GRIK2: variants seen among roughly 807,000 people sequenced by gnomAD.
GRIK2 encodes the protein glutamate receptor ionotropic, kainate 2.
In GRIK2, 32 loss-of-function variants were observed where a neutral mutation model predicts 100.3. The ratio of observed to expected loss-of-function variants is 0.32; its 90% CI spans 0.24 to 0.43. The LOEUF is 0.43. GRIK2 is among the 20% of genes least tolerant of loss of function. The probability of loss-of-function intolerance (pLI) is 1.00; values close to 1 mark genes in which losing one functional copy is unlikely to be tolerated. For synonymous variants in GRIK2, 417 were observed against 389.4 expected (o/e 1.07, Z -0.83); for missense variants, 843 against 1,114.9 (o/e 0.76, Z 3.47).
chr6:101,550,633 G>C (rs1396516890), intron 2 of GRIK2, among the ~76,000 whole-genome samples: 1 of 152,138 alleles, frequency 6.6e-6, no homozygotes, highest in South Asian at 2.1e-4. Flanking sequence ...TATGCCAGCT[G>C]TCTTAACGTG....
intron 14 of GRIK2, among the ~76,000 whole-genome samples, chr6:102,000,931 G>T (rs1047714343): frequency 6.6e-6 from 1 of 151,216 alleles, no homozygotes; most frequent in Non-Finnish European, 1.5e-5. Flanking sequence ...CTTACTGTTG[G>T]TTTCATTTGT....
At chr6:102,051,255 T>TCCTC (rs1771170529) in intron 15 of GRIK2, among the ~76,000 whole-genome samples, 1 of 48,818 alleles carries the variant, frequency 2.0e-5, no homozygotes, top group Non-Finnish European at 4.2e-5. Flanking sequence ...CTCCCTCCCT[T>TCCTC]CCTTCCTTCC....
intron 14 of GRIK2, among the ~76,000 whole-genome samples, chr6:102,024,797 A>G (rs980956920): frequency 2.6e-5 from 4 of 151,110 alleles, no homozygotes; most frequent in Non-Finnish European, 5.9e-5. Context: ...ATATATACAT[A>G]TATTTTTCTT....
Position 101,440,435 on chromosome 6 carries a change from A to G in GRIK2, c.115+41043A>G, listed in dbSNP as rs910481859. Reference sequence around the variant, plus strand: ...ACTTGAATCTTTATTTCCTTACCCAATGGTTCAGAGCCACAAGAACCCTAG... The same window carrying G: ...ACTTGAATCTTTATTTCCTTACCCAGTGGTTCAGAGCCACAAGAACCCTAG... On this transcript the variant is annotated intron_variant, in intron 2 of 16. Transcript: ENST00000369134. Among the ~76,000 whole-genome samples, 83 of 152,274 alleles carry G rather than the reference A, an allele frequency of 5.5e-4. 1 individual carries two copies. Among genetic ancestry groups the G allele is most frequent in the African/African-American group, 2.2e-4 (9 of 41,566 alleles).
intron 4 of GRIK2, among the ~76,000 whole-genome samples, chr6:101,629,080 G>A (rs1360787802): frequency 6.6e-6 from 1 of 151,846 alleles, no homozygotes; most frequent in Non-Finnish European, 1.5e-5. Flanking sequence ...TTATATCATT[G>A]AGGCAAATAT....
intron 9 of GRIK2, among the ~76,000 whole-genome samples, chr6:101,807,199 A>G (rs1781059355): frequency 6.6e-6 from 1 of 151,862 alleles, no homozygotes; most frequent in Non-Finnish European, 1.5e-5. Context: ...GACAATAGTC[A>G]AGGGATCAGT....
At chr6:101,809,530 G>A (rs563216407) in intron 9 of GRIK2, among the ~76,000 whole-genome samples, 95 of 151,982 alleles carry the variant, frequency 6.3e-4, no homozygotes, top group African/African-American at 1.9e-3. Flanking sequence ...TTCTAGAACC[G>A]GATGCACGGC....
At chr6:101,648,956 C>G (rs1161301597) in intron 4 of GRIK2, among the ~76,000 whole-genome samples, 1 of 152,058 alleles carries the variant, frequency 6.6e-6, no homozygotes, top group Admixed American at 6.6e-5. Flanking sequence ...ATTTATAAAA[C>G]CATCTGTTCT....
chr6:101,892,655 TA>T lies in GRIK2; in HGVS notation c.1748+2799del, dbSNP rs201367547. Reference sequence around the variant, plus strand: ...CACAATTTCAAAACAAATTGCCTCATAAAAAAATAAGTTTAAATCATCATTT... The same window carrying T: ...CACAATTTCAAAACAAATTGCCTCATAAAAAATAAGTTTAAATCATCATTT... On this transcript the variant is annotated intron_variant, in intron 12 of 16. Transcript: ENST00000369134. Among the ~76,000 whole-genome samples, 1,155 of 151,942 alleles carry T rather than the reference TA, an allele frequency of 7.6e-3. 18 individuals carry two copies. Among genetic ancestry groups the T allele is most frequent in the African/African-American group, 0.026 (1,087 of 41,502 alleles).
intron 14 of GRIK2, among the ~76,000 whole-genome samples, chr6:101,946,951 TA>T (rs771744089): frequency 9.9e-5 from 15 of 152,252 alleles, no homozygotes; most frequent in Non-Finnish European, 1.9e-4. Flanking sequence ...ACTAGCTTCC[TA>T]GATGATTACA....
intron 14 of GRIK2, among the ~76,000 whole-genome samples, chr6:101,984,866 T>A (rs1403929967): frequency 6.6e-6 from 1 of 151,696 alleles, no homozygotes; most frequent in Non-Finnish European, 1.5e-5. Flanking sequence ...ATAGAAGCAA[T>A]GCATGCTTTT....
chr6:101,637,232 A>T (rs1781065667), intron 4 of GRIK2, among the ~76,000 whole-genome samples: 1 of 151,952 alleles, frequency 6.6e-6, no homozygotes, highest in Admixed American at 6.6e-5. Flanking sequence ...TATGCTGTAG[A>T]CTCACCAATC....
intron 2 of GRIK2, among the ~76,000 whole-genome samples, chr6:101,595,714 G>GTATATATATATATA (rs1213458153): frequency 1.9e-3 from 244 of 129,554 alleles, no homozygotes; most frequent in African/African-American, 6.6e-3. Context: ...GTGTGTGTGT[G>GTATATATATATATA]TGTGTATATA....
chr6:102,055,678 G>T (rs1158406740), intron 16 of GRIK2, 98 bp downstream of exon 16: 11 of 760,732 alleles, frequency 1.4e-5, no homozygotes, highest in Non-Finnish European at 2.2e-5. Flanking sequence ...TAATGATAAT[G>T]CATAGAACTA....
chr6:101,449,908 A>G (rs1420814118), intron 2 of GRIK2, among the ~76,000 whole-genome samples: 1 of 151,788 alleles, frequency 6.6e-6, no homozygotes, highest in African/African-American at 2.4e-5. Context: ...AAGATAAAGC[A>G]TTGGGAAAAA....
chr6:102,003,991 C>T (rs1795080545), intron 14 of GRIK2, among the ~76,000 whole-genome samples: 1 of 150,644 alleles, frequency 6.6e-6, no homozygotes, highest in Non-Finnish European at 1.5e-5. Context: ...TTAATTCCAT[C>T]TATGTTTCTG....
intron 14 of GRIK2, among the ~76,000 whole-genome samples, chr6:101,955,639 G>T (rs1038050389): frequency 7.6e-6 from 1 of 132,182 alleles, no homozygotes; most frequent in African/African-American, 3.0e-5. Flanking sequence ...TTTACAGTCA[G>T]ATTTGGTAGT....
chr6:101,719,137 G>GGTTT (rs1446521213), intron 7 of GRIK2, among the ~76,000 whole-genome samples: 10 of 104,868 alleles, frequency 9.5e-5, no homozygotes, highest in African/African-American at 4.9e-4. Context: ...AGGCTGCAAG[G>GGTTT]GTTTTTTTTT....
intron 14 of GRIK2, among the ~76,000 whole-genome samples, chr6:101,965,470 C>G (rs1426715224): frequency 6.6e-6 from 1 of 152,070 alleles, no homozygotes. Flanking sequence ...TCATTGTTCT[C>G]CCTCATTTTG....
Sources: allele counts gnomAD v4.1 joint callset (sites outside exome capture counted in the v4.1 genomes callset), GRCh38; gene constraint gnomAD v4.1.1; transcripts MANE v1.5; gene names NCBI Gene and HGNC (gene_info 2026-07-23, HGNC 2026-07-21).